FGF13: variants seen among roughly 807,000 people sequenced by gnomAD.
FGF13 encodes fibroblast growth factor 13.
FGF13 carries 2 observed loss-of-function variants against 19.5 expected under a neutral mutation model. The ratio of observed to expected loss-of-function variants is 0.10; its 90% CI spans 0.04 to 0.32. The LOEUF is 0.32. Among genes scored for constraint, FGF13 ranks in the 10% least tolerant of loss-of-function variants. The pLI, the probability that FGF13 is intolerant of heterozygous loss-of-function variation, is 1.00. For synonymous variants in FGF13, 72 were observed against 76.9 expected, an observed-to-expected ratio of 0.94 and a Z score of 0.33; for missense variants, 113 against 192.7, an observed-to-expected ratio of 0.59 and a Z score of 2.45.
intron 3 of FGF13, among the ~76,000 whole-genome samples, chrX:138,659,384 C>A (rs757468085): frequency 9.0e-6 from 1 of 111,597 alleles, no homozygotes; most frequent in Non-Finnish European, 1.9e-5. Flanking sequence ...GTTAGAATGG[C>A]GATCATTAAA....
At chrX:139,045,319 G>A (rs2103610) in intron 1 of FGF13, among the ~76,000 whole-genome samples, 13,814 of 111,707 alleles carry the variant, frequency 0.12, 691 homozygotes, top group South Asian at 0.19. Context: ...CATTCTCCCA[G>A]GCCTCTGGGC....
chrX:138,911,065 G>A (rs769222481), intron 1 of FGF13, among the ~76,000 whole-genome samples: 25 of 110,894 alleles, frequency 2.3e-4, no homozygotes, highest in Middle Eastern at 4.3e-3. Flanking sequence ...CTGGGATGCT[G>A]GGATAACTAA....
chrX:139,118,213 T>C (rs931230814), intron 1 of FGF13, among the ~76,000 whole-genome samples: 2 of 111,932 alleles, frequency 1.8e-5, no homozygotes, highest in African/African-American at 6.5e-5. Flanking sequence ...TACATACAGA[T>C]TCTCCTCTAC....
At chrX:139,139,075 T>C (rs1462358567) in intron 1 of FGF13, among the ~76,000 whole-genome samples, 2 of 109,846 alleles carry the variant, frequency 1.8e-5, no homozygotes, top group Non-Finnish European at 3.8e-5. Flanking sequence ...AGATTGCAGG[T>C]GGGCACCACC....
chrX:139,105,527 G>A (rs1345041941), intron 1 of FGF13, among the ~76,000 whole-genome samples: 1 of 111,621 alleles, frequency 9.0e-6, no homozygotes, highest in South Asian at 3.8e-4. Flanking sequence ...CATCACACTG[G>A]TATTTGGCCT....
chrX:138,813,708 C>T (rs745525465), intron 3 of FGF13, among the ~76,000 whole-genome samples: 18 of 112,195 alleles, frequency 1.6e-4, no homozygotes, highest in African/African-American at 5.8e-4. Context: ...TGCAATTCCA[C>T]TTTTAAGACT....
intron 1 of FGF13, among the ~76,000 whole-genome samples, chrX:139,038,540 A>T (rs12558011): frequency 0.16 from 17,463 of 111,032 alleles, 1,264 homozygotes; most frequent in African/African-American, 0.28. Context: ...TCTCTCAAAA[A>T]AATCGGGACA....
intron 1 of FGF13, among the ~76,000 whole-genome samples, chrX:139,182,426 A>C (rs756974204): frequency 1.1e-4 from 12 of 112,469 alleles, no homozygotes; most frequent in African/African-American, 3.9e-4. Context: ...CTTTTATGTT[A>C]AATAAATTGA....
In FGF13 at chrX:138,947,007, G is replaced by A. The variant is rs747725004; in HGVS notation, c.-112-82357C>T. Among the ~76,000 whole-genome samples the A allele has an allele frequency of 3.6e-5, 4 of 112,143 alleles. No individual in the cohort carries two copies. In the South Asian group the frequency reaches 1.5e-3, roughly 41 times the overall value. The stretch of plus-strand genomic sequence containing the variant: ...AAGAGGTCGATTGCAGAGGCCACAG[G>A]ACAAATCTAAACTACTTCATTACGC... On this transcript the variant is annotated intron_variant, in intron 1 of 2. Transcript: ENST00000421460.
At chrX:138,742,303 C>T (rs1179502552), upstream of FGF13, among the ~76,000 whole-genome samples, 5 of 112,009 alleles carry the variant, frequency 4.5e-5, no homozygotes, top group East Asian at 2.8e-4. Flanking sequence ...ACTGCGTGTC[C>T]GTCATAACTG....
chrX:139,018,792 T>C (rs935154515), intron 1 of FGF13, among the ~76,000 whole-genome samples: 2 of 110,773 alleles, frequency 1.8e-5, no homozygotes, highest in African/African-American at 6.6e-5. Flanking sequence ...TTTTTTTTTT[T>C]CTTTGTAAAC....
chrX:138,976,320 A>T (rs1439138860), intron 1 of FGF13, among the ~76,000 whole-genome samples: 2 of 112,136 alleles, frequency 1.8e-5, no homozygotes, highest in Non-Finnish European at 3.8e-5. Context: ...CAATGAGTGG[A>T]TAAAGAAAAT....
At chrX:139,151,175 C>T (rs188981575) in intron 1 of FGF13, among the ~76,000 whole-genome samples, 91 of 111,053 alleles carry the variant, frequency 8.2e-4, no homozygotes, top group Non-Finnish European at 5.5e-4. Flanking sequence ...AATCTTACAG[C>T]TTGTTATTTA....
rs1336053105 is a variant in FGF13, at chrX:138,618,872, A to G, written c.*13978T>C. On this transcript the variant is annotated 3_prime_UTR_variant, in exon 5 of 5. Transcript: ENST00000315930. ...ATTTCTCAAAAAGAGCTTGAGTGAC[A>G]CATCTACAGAAAAGATGTGCAAGAG... 1.8e-5 allele frequency: 2 copies of G among 111,908 alleles called. No homozygotes were observed. The highest frequency in any genetic ancestry group is 6.5e-5 in the African/African-American group (2 of 30,774). The allele number at this position is 111,908 out of a possible 1,213,427, so 9.2% of individuals were successfully genotyped here.
intron 1 of FGF13, among the ~76,000 whole-genome samples, chrX:139,158,432 C>T (rs1015880379): frequency 1.8e-5 from 2 of 110,201 alleles, no homozygotes; most frequent in Admixed American, 9.7e-5. Flanking sequence ...GGGGGAGGGG[C>T]ATCATACATT....
intron 3 of FGF13, among the ~76,000 whole-genome samples, chrX:138,637,925 T>A (rs1009536008): frequency 2.7e-5 from 3 of 111,651 alleles, no homozygotes; most frequent in Non-Finnish European, 5.6e-5. Context: ...CTTCCTCTAC[T>A]TTTCCTGTGT....
At chrX:138,941,178 C>A (rs1389274425) in intron 1 of FGF13, among the ~76,000 whole-genome samples, 1 of 111,332 alleles carries the variant, frequency 9.0e-6, no homozygotes, top group Admixed American at 9.6e-5. Flanking sequence ...TCTCACCACT[C>A]CTATTCAACA....
upstream of FGF13, among the ~76,000 whole-genome samples, chrX:138,715,558 T>A (rs2090093841): frequency 8.9e-6 from 1 of 112,571 alleles, no homozygotes; most frequent in African/African-American, 3.2e-5. Flanking sequence ...AATGAAAAGA[T>A]TCTGGTACTA....
At chrX:139,170,161 C>A (rs1436066967) in intron 1 of FGF13, among the ~76,000 whole-genome samples, 1 of 111,264 alleles carries the variant, frequency 9.0e-6, no homozygotes, top group Admixed American at 9.6e-5. Context: ...AACCATTCCC[C>A]CTAAATCCTT....
Sources: allele counts gnomAD v4.1 joint callset (sites outside exome capture counted in the v4.1 genomes callset), GRCh38; gene constraint gnomAD v4.1.1; transcripts MANE v1.5; gene names NCBI Gene and HGNC (gene_info 2026-07-23, HGNC 2026-07-21).